The following LSAMP variants were observed in gnomAD, a reference collection of about 807,000 sequenced individuals.
The protein encoded by LSAMP is limbic system-associated membrane protein.
LSAMP carries 7 observed loss-of-function variants against 38.6 expected under a neutral mutation model. The ratio of observed to expected loss-of-function variants is 0.18; its 90% CI spans 0.10 to 0.34. The LOEUF is 0.34. LSAMP is among the 10% of genes least tolerant of loss of function. The pLI is 1.00. For synonymous variants in LSAMP, 154 were observed against 166.8 expected (o/e 0.92, Z 0.59); for missense variants, 313 against 420.0 (o/e 0.75, Z 2.23).
At chr3:116,204,175 G>GT (rs1043590539) in intron 1 of LSAMP, among the ~76,000 whole-genome samples, 11 of 151,844 alleles carry the variant, frequency 7.2e-5, no homozygotes, top group African/African-American at 2.7e-4. Flanking sequence ...TTTTTCATGT[G>GT]TTTTTTGGCT....
At chr3:116,090,843 T>A (rs1559738933) in intron 1 of LSAMP, among the ~76,000 whole-genome samples, 1 of 152,122 alleles carries the variant, frequency 6.6e-6, no homozygotes, top group Non-Finnish European at 1.5e-5. Context: ...AGTAATAGAA[T>A]ATCATAAGGC....
chr3:116,086,628 A>C, intron 1 of LSAMP, 72 bp from the exon 2 acceptor site: 1 of 1,170,812 alleles, frequency 8.5e-7, no homozygotes, highest in Non-Finnish European at 1.3e-6. Context: ...AGGTGATCAG[A>C]CTCAACAAGT....
chr3:116,162,141 T>G (rs1482604389), intron 1 of LSAMP, among the ~76,000 whole-genome samples: 1 of 152,174 alleles, frequency 6.6e-6, no homozygotes, highest in Admixed American at 6.5e-5. Context: ...TGAAAATGAA[T>G]TCTAGTGCTA....
intron 1 of LSAMP, among the ~76,000 whole-genome samples, chr3:116,240,007 T>C (rs1174917116): frequency 2.0e-5 from 3 of 152,214 alleles, no homozygotes; most frequent in Non-Finnish European, 4.4e-5. Context: ...TCATAGTATA[T>C]GTGTGTTCAG....
intron 1 of LSAMP, among the ~76,000 whole-genome samples, chr3:116,244,119 T>G (rs912252313): frequency 7.2e-5 from 11 of 152,322 alleles, no homozygotes; most frequent in African/African-American, 2.6e-4. Context: ...TCCATTTACT[T>G]TAACACTAAT....
intron 1 of LSAMP, among the ~76,000 whole-genome samples, chr3:116,210,404 G>C (rs746231132): frequency 6.6e-6 from 1 of 152,174 alleles, no homozygotes; most frequent in Non-Finnish European, 1.5e-5. Flanking sequence ...GGCTTGCTGC[G>C]TCTTCCGGCC....
intron 2 of LSAMP, among the ~76,000 whole-genome samples, chr3:116,081,897 A>G (rs942272653): frequency 2.0e-5 from 3 of 152,240 alleles, no homozygotes; most frequent in African/African-American, 4.8e-5. Flanking sequence ...TTTTGAAAAC[A>G]ACATTAGCCA....
chr3:115,858,697 A>G (rs1208547615), intron 3 of LSAMP, among the ~76,000 whole-genome samples: 2 of 152,314 alleles, frequency 1.3e-5, no homozygotes, highest in East Asian at 3.9e-4. Flanking sequence ...GCAAAGAACT[A>G]GAATTTATCT....
intron 1 of LSAMP, among the ~76,000 whole-genome samples, chr3:116,254,531 T>C (rs1306767839): frequency 6.6e-6 from 1 of 152,156 alleles, no homozygotes; most frequent in Admixed American, 6.6e-5. Flanking sequence ...GTTTCCACCA[T>C]ATCTGCCTCT....
At chr3:116,239,187 G>C (rs904712799) in intron 1 of LSAMP, among the ~76,000 whole-genome samples, 12 of 152,124 alleles carry the variant, frequency 7.9e-5, no homozygotes, top group Non-Finnish European at 1.6e-4. Context: ...GAAATGTATA[G>C]AGTCTCACAT....
chr3:116,131,059 T>C (rs1372970720), intron 1 of LSAMP, among the ~76,000 whole-genome samples: 4 of 149,422 alleles, frequency 2.7e-5, no homozygotes, highest in East Asian at 3.9e-4. Flanking sequence ...GGCACGGTCT[T>C]GGCTCACTGC....
In LSAMP at chr3:116,389,299, T is replaced by G. The variant is rs115466536; in HGVS notation, c.155+55578A>C. Among the ~76,000 whole-genome samples the G allele has an allele frequency of 1.7e-3, 261 of 152,310 alleles. 1 individual carries two copies. Among genetic ancestry groups the G allele is most frequent in the Admixed American group, 3.7e-3 (56 of 15,306 alleles). On this transcript the variant is annotated intron_variant, in intron 1 of 6. Coordinates refer to ENST00000490035, the MANE Select transcript of LSAMP (RefSeq NM_002338.5). ...GGTAGAATAGGCAAAAGATGATTTTTTTTTAAAAGGTGCTAGTCTGTATGG... is the reference window on the plus strand; with the variant it reads ...GGTAGAATAGGCAAAAGATGATTTTGTTTTAAAAGGTGCTAGTCTGTATGG...
At chr3:115,849,075 T>C (rs1935249100) in intron 4 of LSAMP, among the ~76,000 whole-genome samples, 1 of 152,174 alleles carries the variant, frequency 6.6e-6, no homozygotes, top group South Asian at 2.1e-4. Context: ...AGAGTGTCCC[T>C]AGGACTGGTA....
intron 1 of LSAMP, among the ~76,000 whole-genome samples, chr3:116,159,070 T>G (rs892960417): frequency 6.6e-6 from 1 of 152,166 alleles, no homozygotes; most frequent in Non-Finnish European, 1.5e-5. Context: ...AGATTGAAAC[T>G]GGACCCCTTC....
intron 1 of LSAMP, among the ~76,000 whole-genome samples, chr3:116,245,250 A>G (rs2046590004): frequency 6.6e-6 from 1 of 152,138 alleles, no homozygotes; most frequent in African/African-American, 2.4e-5. Flanking sequence ...ATGGCCCCAG[A>G]AGTTGTCAAC....
At chr3:116,434,292 G>A (rs1367771060) in intron 1 of LSAMP, among the ~76,000 whole-genome samples, 1 of 152,176 alleles carries the variant, frequency 6.6e-6, no homozygotes, top group Non-Finnish European at 1.5e-5. Flanking sequence ...ATTTATTTGA[G>A]CATCCACGGG....
At chr3:116,174,695 A>T (rs1407194477) in intron 1 of LSAMP, among the ~76,000 whole-genome samples, 2 of 151,906 alleles carry the variant, frequency 1.3e-5, no homozygotes, top group Non-Finnish European at 2.9e-5. Context: ...TGACTTTCTT[A>T]TCGCTGTGCT....
At chr3:115,861,050 C>T (rs112221100) in intron 3 of LSAMP, among the ~76,000 whole-genome samples, 8 of 136,764 alleles carry the variant, frequency 5.8e-5, no homozygotes, top group African/African-American at 1.7e-4. Flanking sequence ...TCCTCCCCTC[C>T]TCCCCTCCCT....
At chr3:116,410,011 C>T (rs1216247939) in intron 1 of LSAMP, among the ~76,000 whole-genome samples, 2 of 152,046 alleles carry the variant, frequency 1.3e-5, no homozygotes, top group Non-Finnish European at 2.9e-5. Flanking sequence ...CACAGGATTC[C>T]CTTAAGTGTT....
Sources: gnomAD v4.1 joint callset for allele counts (sites outside exome capture counted in the v4.1 genomes callset) on GRCh38, gnomAD v4.1.1 for gene constraint, MANE v1.5 for transcripts, NCBI Gene and HGNC (gene_info 2026-07-23, HGNC 2026-07-21) for gene names.